Variants in TBXAS1 observed in about 807,000 individuals in gnomAD.
TBXAS1 encodes the protein thromboxane A synthase 1, also known as thromboxane-A synthase.
Under a neutral mutation model 60.7 loss-of-function variants are expected in TBXAS1, and 48 were observed. The observed-to-expected ratio is 0.79, with a 90% CI of 0.63 to 1.01. The LOEUF is 1.01. TBXAS1 is among the 50% of genes least tolerant of loss of function. The pLI, the probability that TBXAS1 is intolerant of heterozygous loss-of-function variation, is 0.00. For missense variants in TBXAS1, 685 were observed against 686.3 expected, an observed-to-expected ratio of 1.00 and a Z score of 0.02; for synonymous variants, 287 against 269.7, an observed-to-expected ratio of 1.06 and a Z score of -0.63.
chr7:139,893,914 C>A (rs1266554839), intron 3 of TBXAS1, among the ~76,000 whole-genome samples: 1 of 152,198 alleles, frequency 6.6e-6, no homozygotes, highest in African/African-American at 2.4e-5. Context: ...TTCCCCCTTG[C>A]TGCCCAGTTC....
At chr7:140,005,322 G>C (rs1813988856) in intron 9 of TBXAS1, among the ~76,000 whole-genome samples, 1 of 152,136 alleles carries the variant, frequency 6.6e-6, no homozygotes, top group East Asian at 1.9e-4. Context: ...CCAGCTATTT[G>C]AGAGGCTGAA....
chr7:139,942,146 T>G (rs1212995016), intron 5 of TBXAS1, among the ~76,000 whole-genome samples: 1 of 152,190 alleles, frequency 6.6e-6, no homozygotes, highest in African/African-American at 2.4e-5. Flanking sequence ...AAACTGTACT[T>G]ATATGATGAT....
intron 1 of TBXAS1, among the ~76,000 whole-genome samples, chr7:139,832,154 A>G (rs1197403739): frequency 6.6e-6 from 1 of 152,116 alleles, no homozygotes; most frequent in African/African-American, 2.4e-5. Flanking sequence ...AAGACACCCC[A>G]AATACTGTGA....
chr7:139,975,069 A>G lies in TBXAS1; in HGVS notation c.1134+12836A>G, dbSNP rs1811469895. On this transcript the variant is annotated intron_variant, in intron 9 of 12. Transcript: ENST00000448866. The surrounding 1 kb of genome is among the most constrained non-coding windows in gnomAD (Gnocchi z 4.4). ...AGTTTGGACAACCAGGCAGGAGTCA[A>G]TGCAACAGTCTAGACACAGAATTCT... is the stretch of plus-strand genomic sequence containing the variant. Among the ~76,000 whole-genome samples, 1 of 152,198 alleles carries G rather than the reference A, an allele frequency of 6.6e-6. No homozygotes were observed. The highest frequency in any genetic ancestry group is 1.5e-5 in the Non-Finnish European group (1 of 68,022).
chr7:139,979,766 T>A (rs868011911), intron 9 of TBXAS1, among the ~76,000 whole-genome samples: 30 of 138,938 alleles, frequency 2.2e-4, no homozygotes, highest in Non-Finnish European at 3.5e-4. Flanking sequence ...ATAATAATAA[T>A]AAATAAATAG....
At chr7:139,795,739 C>G (rs1009356788) in intron 4 of TBXAS1, among the ~76,000 whole-genome samples, 1 of 152,056 alleles carries the variant, frequency 6.6e-6, no homozygotes, top group Non-Finnish European at 1.5e-5. Flanking sequence ...TTTCTTAACT[C>G]AAAGTAGACC....
upstream of TBXAS1, among the ~76,000 whole-genome samples, chr7:139,825,984 C>G (rs1798427037): frequency 6.6e-6 from 1 of 152,180 alleles, no homozygotes; most frequent in Non-Finnish European, 1.5e-5. Context: ...CTTATACCAG[C>G]AATTCTCATG....
intron 3 of TBXAS1, among the ~76,000 whole-genome samples, chr7:139,901,385 T>TTTTCTAATTCTGTGAAGAATGATGGTGG: frequency 2.0e-5 from 3 of 151,908 alleles, no homozygotes; most frequent in African/African-American, 7.3e-5. Context: ...AGGACAACTT[T>TTTTCTAATTCTGTGAAGAATGATGGTGG]CATTTGAAAG....
chr7:139,796,968 C>A (rs1282333038), intron 4 of TBXAS1, among the ~76,000 whole-genome samples: 1 of 152,220 alleles, frequency 6.6e-6, no homozygotes, highest in Non-Finnish European at 1.5e-5. Context: ...CTTGACATGT[C>A]GACACAATGT....
Position 139,961,924 on chromosome 7 carries a change from G to C in TBXAS1, c.825G>C (p.Arg275=). The change falls in exon 9 of 13, where the codon CGG becomes CGC. Residue 275 remains arginine (R), a synonymous_variant. Transcript: ENST00000448866. ...LRDQQAAEER[R]RDFLQMVLDA... ...TTTCTCCTTTTGTTCCTTAGAGGCG[G>C]AGAGACTTCCTCCAAATGGTCCTGG... The C allele has an allele frequency of 6.2e-7, 1 of 1,614,220 alleles. No homozygotes were observed. Among genetic ancestry groups the C allele is most frequent in the South Asian group, 1.1e-5 (1 of 91,078 alleles).
chr7:139,826,119 C>T (rs1585561264), upstream of TBXAS1, among the ~76,000 whole-genome samples: 1 of 152,280 alleles, frequency 6.6e-6, no homozygotes, highest in South Asian at 2.1e-4. Flanking sequence ...ATGAGTCACC[C>T]TCCATGCCAC....
At chr7:139,871,606 T>A (rs953179176) in intron 1 of TBXAS1, among the ~76,000 whole-genome samples, 3 of 152,208 alleles carry the variant, frequency 2.0e-5, no homozygotes, top group African/African-American at 7.2e-5. Flanking sequence ...GCTTCCTGAT[T>A]TTTGGTTAAG....
intron 9 of TBXAS1, among the ~76,000 whole-genome samples, chr7:140,000,932 C>T (rs949932301): frequency 6.6e-6 from 1 of 152,202 alleles, no homozygotes. Flanking sequence ...CAAAGACTTC[C>T]ACCTTCATCT....
rs755930985 is a variant in TBXAS1, at chr7:140,017,842, C to A, written c.1527+9C>A. The A allele has an allele frequency of 8.9e-5, 143 of 1,613,958 alleles. No homozygotes were observed. The highest frequency in any genetic ancestry group is 1.1e-4 in the Non-Finnish European group (128 of 1,179,958). ...CCTGCCCTGAGACCCAGGTGAGGCCCCCCTGCTCAGAGGCAGGGGCAGGGG... is the reference window on the plus strand; with the variant it reads ...CCTGCCCTGAGACCCAGGTGAGGCCACCCTGCTCAGAGGCAGGGGCAGGGG... On this transcript the variant is annotated intron_variant, in intron 12 of 12. Coordinates refer to ENST00000448866, the MANE Select transcript of TBXAS1 (RefSeq NM_001061.7).
At chr7:140,006,276 C>G (rs563800435) in intron 9 of TBXAS1, among the ~76,000 whole-genome samples, 3 of 152,164 alleles carry the variant, frequency 2.0e-5, no homozygotes, top group Admixed American at 1.3e-4. Context: ...AATCCCAGTG[C>G]GCCCACACCC....
intron 2 of TBXAS1, among the ~76,000 whole-genome samples, chr7:139,874,897 C>G (rs969382655): frequency 6.6e-6 from 1 of 152,192 alleles, no homozygotes; most frequent in Non-Finnish European, 1.5e-5. Context: ...GAGTTCCAGA[C>G]CAGCCTGGCC....
At position 139,975,218 on chromosome 7, in the gene TBXAS1, G is replaced by A. The variant is rs528968444; in HGVS notation, c.1134+12985G>A. ...ATTTTAAGTGTTAACCATATCTACC[G>A]AAGACCTTCCCAGCAACCCTGGGAT... On this transcript the variant is annotated intron_variant, in intron 9 of 12. Coordinates refer to ENST00000448866, the MANE Select transcript of TBXAS1 (RefSeq NM_001061.7). The surrounding 1 kb of genome is among the most constrained non-coding windows in gnomAD (Gnocchi z 4.4). 7.2e-5 allele frequency among the ~76,000 whole-genome samples: 11 copies of A among 152,222 alleles called. No individual in the cohort carries two copies. The South Asian group carries it at 1.9e-3, about 26-fold the overall frequency.
At chr7:139,969,344 C>G (rs1811020360) in intron 9 of TBXAS1, among the ~76,000 whole-genome samples, 1 of 150,448 alleles carries the variant, frequency 6.6e-6, no homozygotes. Context: ...AAAGAACATT[C>G]TGTGCTGGTT....
At chr7:139,922,617 T>C (rs1292719228) in intron 4 of TBXAS1, among the ~76,000 whole-genome samples, 1 of 152,252 alleles carries the variant, frequency 6.6e-6, no homozygotes, top group East Asian at 1.9e-4. Flanking sequence ...ATTTTCTTAA[T>C]AATATCCTTT....
Sources: gnomAD v4.1 joint callset for allele counts (sites outside exome capture counted in the v4.1 genomes callset) on GRCh38, gnomAD v4.1.1 for gene constraint, Gnocchi (gnomAD v3.1) non-coding constraint, MANE v1.5 for transcripts, NCBI Gene and HGNC (gene_info 2026-07-23, HGNC 2026-07-21) for gene names.